ZKSCAN7: variants seen among roughly 807,000 people sequenced by gnomAD.
ZKSCAN7 encodes the protein zinc finger protein with KRAB and SCAN domains 7.
In ZKSCAN7, 38 loss-of-function variants were observed where a neutral mutation model predicts 65.3. That is an observed-to-expected ratio of 0.58 (90% CI 0.45 to 0.76). The LOEUF is 0.76. Ranked by LOEUF, ZKSCAN7 falls within the 30% of genes least tolerant of loss-of-function variation. The probability of loss-of-function intolerance (pLI) is 0.00; values close to 1 mark genes in which losing one functional copy is unlikely to be tolerated. For synonymous variants in ZKSCAN7, 321 were observed against 321.0 expected, an observed-to-expected ratio of 1.00 and a Z score of 0.00; for missense variants, 815 against 913.3, an observed-to-expected ratio of 0.89 and a Z score of 1.39.
chr3:44,582,171 A>T (rs1700100723), intron 5 of ZKSCAN7, among the ~76,000 whole-genome samples: 1 of 152,200 alleles, frequency 6.6e-6, no homozygotes, highest in African/African-American at 2.4e-5. Context: ...CTAGTACTTG[A>T]TCCAGGATAG....
intron 5 of ZKSCAN7, among the ~76,000 whole-genome samples, chr3:44,578,833 C>T (rs1353671710): frequency 6.6e-6 from 1 of 152,208 alleles, no homozygotes; most frequent in African/African-American, 2.4e-5. Flanking sequence ...TCTTCTGGTG[C>T]GTTTCTTCCA....
Position 44,580,931 on chromosome 3 carries a change from A to C in ZKSCAN7, c.812-2041A>C, listed in dbSNP as rs549662684. On this transcript the variant is annotated intron_variant, in intron 5 of 5. Transcript: ENST00000341840. ...GCGTCAGGTCCTCGTCGTTGAGGAG[A>C]TGCGACTCGCGGGGCTGGAAGCAGT... 8 of 1,612,848 alleles carry C rather than the reference A, an allele frequency of 5.0e-6. No homozygotes were observed. The Admixed American group carries it at 8.3e-5, about 17-fold the overall frequency.
chr3:44,562,926 C>T (rs559870141), intron 2 of ZKSCAN7, among the ~76,000 whole-genome samples: 24 of 151,704 alleles, frequency 1.6e-4, no homozygotes, highest in African/African-American at 4.6e-4. Flanking sequence ...GCCAAGATCG[C>T]GCCACTGCAC....
chr3:44,560,591 C>T (rs960240727), intron 2 of ZKSCAN7, among the ~76,000 whole-genome samples: 100 of 148,602 alleles, frequency 6.7e-4, no homozygotes, highest in African/African-American at 2.3e-3. Flanking sequence ...CAGCTCACTG[C>T]AAGCTCCGCC....
chr3:44,562,956 T>A (rs557566147), intron 2 of ZKSCAN7, among the ~76,000 whole-genome samples: 1 of 151,012 alleles, frequency 6.6e-6, no homozygotes, highest in Non-Finnish European at 1.5e-5. Context: ...GGTGACAGAA[T>A]GAGACTCCAT....
chr3:44,576,240 C>G (rs966050063), downstream of ZKSCAN7, among the ~76,000 whole-genome samples: 1 of 152,142 alleles, frequency 6.6e-6, no homozygotes, highest in African/African-American at 2.4e-5. Flanking sequence ...TTCCTCTGTT[C>G]TGTATATGTA....
At chr3:44,566,549 T>C (rs1039849655) in intron 3 of ZKSCAN7, among the ~76,000 whole-genome samples, 7 of 152,100 alleles carry the variant, frequency 4.6e-5, no homozygotes, top group African/African-American at 1.7e-4. Flanking sequence ...AATTAGAATG[T>C]TTTGGCCAAT....
At chr3:44,557,624 C>T (rs893146341) in intron 2 of ZKSCAN7, 154 bp downstream of exon 2, 1 of 1,043,516 alleles carries the variant, frequency 9.6e-7, no homozygotes, top group Non-Finnish European at 1.4e-6. Flanking sequence ...TTTTGTGCTC[C>T]AAGCCATAAA....
intron 2 of ZKSCAN7, among the ~76,000 whole-genome samples, chr3:44,563,719 G>T (rs988898591): frequency 6.6e-6 from 1 of 151,194 alleles, no homozygotes; most frequent in African/African-American, 2.4e-5. Flanking sequence ...TGAGATTTGG[G>T]CGGGGACAGA....
chr3:44,557,407 G>C lies in ZKSCAN7; in HGVS notation c.360G>C (p.Glu120Asp). Residue 120 changes from glutamate to aspartate, a missense_variant, in exon 2 of 6, where the codon GAG becomes GAC. Glu to Asp is a conservative substitution (Grantham distance 45). This residue lies in a region of ZKSCAN7 where 227 missense variants were observed against 253.3 expected (regional missense o/e 0.90). Coordinates refer to ENST00000426540, the MANE Select transcript of ZKSCAN7 (RefSeq NM_001288590.2). ...LRTWVQLHHP[E>D]SGEEAVAVVE... ...CCTGGGTGCAGCTGCATCACCCTGAGAGTGGTGAGGAGGCTGTGGCTGTGG... is the reference window on the plus strand; with the variant it reads ...CCTGGGTGCAGCTGCATCACCCTGACAGTGGTGAGGAGGCTGTGGCTGTGG... 6.2e-7 allele frequency: 1 copy of C among 1,614,262 alleles called. No homozygotes were observed.
Position 44,565,654 on chromosome 3 carries a change from C to T in ZKSCAN7, c.591C>T (p.Phe197=), listed in dbSNP as rs78168620. 265 of 1,589,028 alleles carry T rather than the reference C, an allele frequency of 1.7e-4. 2 individuals are homozygous for T. In the East Asian group the frequency reaches 4.6e-3, roughly 28 times the overall value. The change falls in exon 3 of 6, where the codon TTC becomes TTT. Residue 197 remains phenylalanine (F), a splice_region_variant and synonymous_variant. Coordinates refer to ENST00000426540, the MANE Select transcript of ZKSCAN7 (RefSeq NM_001288590.2). ...CACACCACCTCCCCAGTGGGGACTT[C>T]GGTACTTATCTCCCCAGCTTTGGCC... The part of the protein sequence containing the change: ...PGTHHLPSGD[F]AQCTSPVPTL...
Position 44,561,660 on chromosome 3 carries a change from TC to T in ZKSCAN7, c.424-3824del, listed in dbSNP as rs200990867. On this transcript the variant is annotated intron_variant, in intron 2 of 5. Coordinates refer to ENST00000426540, the MANE Select transcript of ZKSCAN7 (RefSeq NM_001288590.2). ...GGGGATATAGGCATTGGGTAAATGC[TC>T]CCATTCCAAATGGGAGAAATTGGCC... Among the ~76,000 whole-genome samples, 1,310 of 152,246 alleles carry T rather than the reference TC, an allele frequency of 8.6e-3. 15 individuals carry two copies. The highest frequency in any genetic ancestry group is 0.03 in the African/African-American group (1,248 of 41,542).
At chr3:44,565,791 C>A in intron 3 of ZKSCAN7, 136 bp downstream of exon 3, 1 of 936,158 alleles carries the variant, frequency 1.1e-6, no homozygotes, top group South Asian at 2.7e-5. Flanking sequence ...CCTAGTGACC[C>A]TGTTTGTTCC....
downstream of ZKSCAN7, among the ~76,000 whole-genome samples, chr3:44,574,862 G>A (rs1699892424): frequency 6.6e-6 from 1 of 152,106 alleles, no homozygotes; most frequent in East Asian, 1.9e-4. Flanking sequence ...CCTGGGAGGT[G>A]GAGACTGCAG....
intron 2 of ZKSCAN7, among the ~76,000 whole-genome samples, chr3:44,558,165 GGA>G (rs1171058128): frequency 6.6e-6 from 1 of 151,900 alleles, no homozygotes; most frequent in Non-Finnish European, 1.5e-5. Flanking sequence ...AGAATCAGTA[GGA>G]GAGAGGGGTG....
At chr3:44,573,155 T>G (rs750896128), downstream of ZKSCAN7, among the ~76,000 whole-genome samples, 12 of 152,246 alleles carry the variant, frequency 7.9e-5, no homozygotes, top group Non-Finnish European at 1.8e-4. Context: ...CTCAGAAGAT[T>G]TTCTGTCCTT....
At chr3:44,558,578 G>T in intron 2 of ZKSCAN7, among the ~76,000 whole-genome samples, 1 of 151,584 alleles carries the variant, frequency 6.6e-6, no homozygotes, top group East Asian at 1.9e-4. Flanking sequence ...AGTGGCTTAC[G>T]TAATTGTGAG....
chr3:44,578,726 G>A (rs151049249), intron 5 of ZKSCAN7, among the ~76,000 whole-genome samples: 25 of 152,326 alleles, frequency 1.6e-4, no homozygotes, highest in Admixed American at 3.3e-4. Flanking sequence ...TTCGATGGCT[G>A]AGATGGTGGC....
chr3:44,582,476 T>C (rs1490282451), intron 5 of ZKSCAN7, among the ~76,000 whole-genome samples: 2 of 152,172 alleles, frequency 1.3e-5, no homozygotes, highest in African/African-American at 4.8e-5. Context: ...CAACTAGACG[T>C]TGATTTCATT....
Sources: gnomAD v4.1 joint callset for allele counts (sites outside exome capture counted in the v4.1 genomes callset) on GRCh38, gnomAD v4.1.1 for gene constraint, gnomAD v4.1.1 regional missense constraint, MANE v1.5 for transcripts, NCBI Gene and HGNC (gene_info 2026-07-23, HGNC 2026-07-21) for gene names.